The following HS3ST5 variants were observed in gnomAD, a reference collection of about 807,000 sequenced individuals.
HS3ST5 encodes heparan sulfate glucosamine 3-O-sulfotransferase 5.
A neutral mutation model predicts 25.4 loss-of-function variants in HS3ST5; 10 were observed. The observed-to-expected ratio is 0.39, with a 90% CI of 0.24 to 0.67. HS3ST5 has a LOEUF of 0.67. Among genes scored for constraint, HS3ST5 ranks in the 30% least tolerant of loss-of-function variants. HS3ST5 has a pLI of 0.44. For synonymous variants in HS3ST5, 170 were observed against 162.4 expected, an observed-to-expected ratio of 1.05 and a Z score of -0.36; for missense variants, 324 against 420.7, an observed-to-expected ratio of 0.77 and a Z score of 2.01.
chr6:114,086,793 C>G (rs1774860969), intron 3 of HS3ST5, among the ~76,000 whole-genome samples: 1 of 152,136 alleles, frequency 6.6e-6, no homozygotes, highest in Non-Finnish European at 1.5e-5. Context: ...ACAACAAAAG[C>G]TCACCTTCAA....
At chr6:114,283,027 G>C (rs897320196) in intron 1 of HS3ST5, among the ~76,000 whole-genome samples, 4 of 151,766 alleles carry the variant, frequency 2.6e-5, no homozygotes, top group African/African-American at 9.7e-5. Context: ...TCCTAATATA[G>C]AATCAATAAG....
chr6:114,317,864 G>A (rs960230660), intron 1 of HS3ST5, among the ~76,000 whole-genome samples: 3 of 152,116 alleles, frequency 2.0e-5, no homozygotes, highest in South Asian at 2.1e-4. Flanking sequence ...GGTGGCTAGC[G>A]ATCTGACTAC....
intron 1 of HS3ST5, among the ~76,000 whole-genome samples, chr6:114,315,220 T>C (rs772730080): frequency 2.0e-4 from 31 of 152,188 alleles, no homozygotes; most frequent in Non-Finnish European, 3.8e-4. Context: ...GATTATTTTA[T>C]ACCTATTTTA....
chr6:114,237,410 A>G lies in HS3ST5; in HGVS notation c.-338-8632T>C, dbSNP rs78187429. The stretch of plus-strand genomic sequence containing the variant: ...AATCTAGGCTCTACTATGGCCTGAG[A>G]TAAGTTATTTCTTCCTCCTCAATTT... On this transcript the variant is annotated intron_variant, in intron 1 of 4. Coordinates refer to ENST00000312719, the MANE Select transcript of HS3ST5 (RefSeq NM_153612.4). Among the ~76,000 whole-genome samples the G allele has an allele frequency of 1.8e-4, 28 of 152,106 alleles. No homozygotes were observed. The East Asian group carries it at 5.4e-3, about 29-fold the overall frequency.
intron 1 of HS3ST5, among the ~76,000 whole-genome samples, chr6:114,336,436 T>C (rs891152343): frequency 1.3e-5 from 2 of 152,100 alleles, no homozygotes; most frequent in Admixed American, 1.3e-4. Context: ...GGCAAAACCC[T>C]GTCTCTACTA....
intron 2 of HS3ST5, among the ~76,000 whole-genome samples, chr6:114,216,433 A>G (rs1781766641): frequency 6.6e-6 from 1 of 152,184 alleles, no homozygotes; most frequent in African/African-American, 2.4e-5. Context: ...ACAAAGCTTC[A>G]TTGCTGGCAA....
At chr6:114,262,262 T>C (rs765972411) in intron 1 of HS3ST5, among the ~76,000 whole-genome samples, 1 of 152,188 alleles carries the variant, frequency 6.6e-6, no homozygotes, top group African/African-American at 2.4e-5. Flanking sequence ...AAATATTTCA[T>C]AGCGGCTGGG....
chr6:114,235,304 A>G (rs1001747945), intron 1 of HS3ST5, among the ~76,000 whole-genome samples: 1 of 152,228 alleles, frequency 6.6e-6, no homozygotes, highest in African/African-American at 2.4e-5. Flanking sequence ...GCTCCTATTA[A>G]TACAAAGTAA....
chr6:114,309,235 G>A (rs968986639), intron 1 of HS3ST5, among the ~76,000 whole-genome samples: 1 of 152,048 alleles, frequency 6.6e-6, no homozygotes, highest in Admixed American at 6.5e-5. Context: ...CTAAAAGGGT[G>A]GTAGGCTTAA....
intron 1 of HS3ST5, among the ~76,000 whole-genome samples, chr6:114,326,609 A>C (rs947928739): frequency 6.6e-6 from 1 of 152,218 alleles, no homozygotes; most frequent in Admixed American, 6.5e-5. Flanking sequence ...TCTAGTTGAA[A>C]TATTGAGTTG....
chr6:114,137,185 G>T (rs1375605716), intron 3 of HS3ST5, among the ~76,000 whole-genome samples: 2 of 152,140 alleles, frequency 1.3e-5, no homozygotes, highest in Non-Finnish European at 2.9e-5. Context: ...ATCAGGAAAA[G>T]ATTTTTCTCC....
At chr6:114,140,967 G>T (rs990870191) in intron 3 of HS3ST5, among the ~76,000 whole-genome samples, 1 of 152,186 alleles carries the variant, frequency 6.6e-6, no homozygotes, top group African/African-American at 2.4e-5. Flanking sequence ...ATAAGATAGA[G>T]TGAGAAACAA....
chr6:114,145,578 A>G (rs1172525666), intron 3 of HS3ST5, among the ~76,000 whole-genome samples: 1 of 152,200 alleles, frequency 6.6e-6, no homozygotes, highest in Non-Finnish European at 1.5e-5. Flanking sequence ...AGGGTAGTTT[A>G]CATGGGCAGA....
At chr6:114,239,452 G>A (rs961522146) in intron 1 of HS3ST5, among the ~76,000 whole-genome samples, 3 of 152,218 alleles carry the variant, frequency 2.0e-5, no homozygotes, top group African/African-American at 7.2e-5. Flanking sequence ...TCTTGAAATT[G>A]TGATGGGGTT....
intron 3 of HS3ST5, among the ~76,000 whole-genome samples, chr6:114,130,260 A>G (rs1426567488): frequency 2.6e-5 from 4 of 152,252 alleles, no homozygotes; most frequent in African/African-American, 9.6e-5. Flanking sequence ...CCACATATAT[A>G]GCACATTTTC....
intron 1 of HS3ST5, among the ~76,000 whole-genome samples, chr6:114,236,810 C>T (rs964396978): frequency 1.3e-5 from 2 of 152,146 alleles, no homozygotes; most frequent in African/African-American, 4.8e-5. Flanking sequence ...ATGTAACAAT[C>T]GGTACTGCAA....
At chr6:114,156,011 A>C (rs958185995) in intron 3 of HS3ST5, among the ~76,000 whole-genome samples, 3 of 152,256 alleles carry the variant, frequency 2.0e-5, no homozygotes, top group Admixed American at 6.5e-5. Context: ...TTCAACAGTG[A>C]AACAGGGCAG....
At chr6:114,338,613 TG>T (rs1776703651) in intron 1 of HS3ST5, among the ~76,000 whole-genome samples, 1 of 152,092 alleles carries the variant, frequency 6.6e-6, no homozygotes, top group Admixed American at 6.5e-5. Flanking sequence ...ACTCTACTTT[TG>T]ATAAGGGTTA....
intron 1 of HS3ST5, among the ~76,000 whole-genome samples, chr6:114,260,427 G>A (rs905157771): frequency 1.9e-4 from 29 of 152,208 alleles, no homozygotes; most frequent in African/African-American, 4.1e-4. Flanking sequence ...ATAAGACTTC[G>A]TAAACAACTC....
Sources: gnomAD v4.1 joint callset for allele counts (sites outside exome capture counted in the v4.1 genomes callset) on GRCh38, gnomAD v4.1.1 for gene constraint, MANE v1.5 for transcripts, NCBI Gene and HGNC (gene_info 2026-07-23, HGNC 2026-07-21) for gene names.